Variants in CACNA2D3 observed in about 807,000 individuals in gnomAD.
CACNA2D3 encodes the protein calcium voltage-gated channel auxiliary subunit alpha2delta 3, also known as voltage-dependent calcium channel subunit alpha-2/delta-3.
Under a neutral mutation model 160.6 loss-of-function variants are expected in CACNA2D3, and 60 were observed. The observed-to-expected ratio is 0.37, with a 90% CI of 0.30 to 0.46. The LOEUF (loss-of-function observed/expected upper bound fraction) is 0.46. Among genes scored for constraint, CACNA2D3 ranks in the 20% least tolerant of loss-of-function variants. The pLI, the probability that CACNA2D3 is intolerant of heterozygous loss-of-function variation, is 1.00. For synonymous variants in CACNA2D3, 558 were observed against 492.9 expected, an observed-to-expected ratio of 1.13 and a Z score of -1.75; for missense variants, 1,205 against 1,365.0, an observed-to-expected ratio of 0.88 and a Z score of 1.85.
In CACNA2D3 at chr3:54,283,462, T is replaced by G. The variant is rs77855152; in HGVS notation, c.205-36980T>G. ...GAGTATTAAACATGAGAACAAGATA[T>G]TTAATGGGCAAATGTTTTGAGCTTA... On this transcript the variant is annotated intron_variant, in intron 2 of 37. Transcript: ENST00000474759. 3.9e-3 allele frequency among the ~76,000 whole-genome samples: 587 copies of G among 152,334 alleles called. 15 individuals are homozygous for G. The East Asian group carries it at 0.063, about 16-fold the overall frequency.
intron 4 of CACNA2D3, among the ~76,000 whole-genome samples, chr3:54,389,566 A>T (rs938121399): frequency 6.6e-6 from 1 of 152,188 alleles, no homozygotes; most frequent in Non-Finnish European, 1.5e-5. Context: ...ATCGAAGTTA[A>T]TGTCACCAAT....
chr3:54,732,516 A>G (rs1701411376), intron 11 of CACNA2D3, among the ~76,000 whole-genome samples: 1 of 152,186 alleles, frequency 6.6e-6, no homozygotes, highest in Non-Finnish European at 1.5e-5. Context: ...GATTTTGGAG[A>G]CATTTAAATA....
chr3:54,420,871 G>C (rs1293241516), intron 4 of CACNA2D3, among the ~76,000 whole-genome samples: 1 of 152,196 alleles, frequency 6.6e-6, no homozygotes, highest in African/African-American at 2.4e-5. Flanking sequence ...AGCTTTTGTT[G>C]ATGAATATTT....
chr3:54,628,250 A>C (rs977433986), intron 10 of CACNA2D3, among the ~76,000 whole-genome samples: 5 of 152,194 alleles, frequency 3.3e-5, no homozygotes, highest in Non-Finnish European at 7.3e-5. Flanking sequence ...AAAGAAAAAA[A>C]TTGTGGGCCA....
chr3:54,400,582 C>G (rs1232253248), intron 4 of CACNA2D3, among the ~76,000 whole-genome samples: 1 of 152,206 alleles, frequency 6.6e-6, no homozygotes, highest in Non-Finnish European at 1.5e-5. Flanking sequence ...ACCACCACCA[C>G]TGCCCCAAAC....
At chr3:54,256,979 C>T (rs1284322317) in intron 2 of CACNA2D3, among the ~76,000 whole-genome samples, 1 of 152,188 alleles carries the variant, frequency 6.6e-6, no homozygotes, top group African/African-American at 2.4e-5. Flanking sequence ...CTTCCTTCAT[C>T]CACTTGGACT....
chr3:54,452,509 G>A (rs1700324803), intron 4 of CACNA2D3, among the ~76,000 whole-genome samples: 1 of 152,176 alleles, frequency 6.6e-6, no homozygotes, highest in African/African-American at 2.4e-5. Flanking sequence ...CACTGGAATT[G>A]TCTTTAATGT....
chr3:54,791,781 CTT>C (rs982482307), intron 13 of CACNA2D3, among the ~76,000 whole-genome samples: 8 of 152,138 alleles, frequency 5.3e-5, no homozygotes, highest in African/African-American at 1.7e-4. Context: ...TTCCAGAAGA[CTT>C]TTCAAAAACC....
intron 4 of CACNA2D3, among the ~76,000 whole-genome samples, chr3:54,463,202 C>G (rs1389099752): frequency 6.6e-6 from 1 of 151,992 alleles, no homozygotes; most frequent in Admixed American, 6.6e-5. Context: ...TCTGGCTGCC[C>G]TTAACATTTT....
intron 13 of CACNA2D3, among the ~76,000 whole-genome samples, chr3:54,792,720 G>T (rs1205456377): frequency 6.6e-6 from 1 of 152,064 alleles, no homozygotes; most frequent in Admixed American, 6.6e-5. Flanking sequence ...AAGCCCTGGT[G>T]CCCACACTCA....
intron 2 of CACNA2D3, among the ~76,000 whole-genome samples, chr3:54,189,841 G>T (rs758126715): frequency 2.6e-5 from 4 of 152,156 alleles, no homozygotes; most frequent in South Asian, 2.1e-4. Flanking sequence ...TACAAAAGGA[G>T]TTGTTTTCTT....
chr3:54,837,142 T>G lies in CACNA2D3; in HGVS notation c.1399-17T>G, dbSNP rs975166063. 4.3e-6 allele frequency: 7 copies of G among 1,613,294 alleles called. No homozygotes were observed. Among genetic ancestry groups the G allele is most frequent in the Admixed American group, 1.7e-5 (1 of 59,994 alleles). Reference sequence around the variant, plus strand: ...TCCAGACCGTTCCCCGGTAACTGGCTTTTCTCTTCCATCCAGCTGACTGAT... The same window carrying G: ...TCCAGACCGTTCCCCGGTAACTGGCGTTTCTCTTCCATCCAGCTGACTGAT... On this transcript the variant is annotated splice_polypyrimidine_tract_variant and intron_variant, in intron 14 of 37. Coordinates refer to ENST00000474759, the MANE Select transcript of CACNA2D3 (RefSeq NM_018398.3).
chr3:54,352,460 G>A (rs1325840655), intron 3 of CACNA2D3, among the ~76,000 whole-genome samples: 5 of 152,302 alleles, frequency 3.3e-5, no homozygotes, highest in Admixed American at 3.3e-4. Context: ...TTTGTTCTGT[G>A]CCGTTCACAG....
chr3:54,171,817 G>C (rs1700577656), intron 2 of CACNA2D3, among the ~76,000 whole-genome samples: 1 of 152,162 alleles, frequency 6.6e-6, no homozygotes, highest in Non-Finnish European at 1.5e-5. Context: ...CTTGGTCCCT[G>C]TCTCTTCCCA....
intron 13 of CACNA2D3, among the ~76,000 whole-genome samples, chr3:54,788,429 C>T (rs1484184269): frequency 6.6e-6 from 1 of 152,166 alleles, no homozygotes; most frequent in Non-Finnish European, 1.5e-5. Flanking sequence ...CCCCAAGTCT[C>T]TAGATGTCTT....
chr3:54,453,638 G>C (rs974380126), intron 4 of CACNA2D3, among the ~76,000 whole-genome samples: 7 of 152,158 alleles, frequency 4.6e-5, no homozygotes, highest in Non-Finnish European at 5.9e-5. Context: ...CCAGTCCAAG[G>C]ATTCAAACAA....
chr3:54,836,149 A>G (rs1559599796), intron 14 of CACNA2D3, among the ~76,000 whole-genome samples: 1 of 151,492 alleles, frequency 6.6e-6, no homozygotes, highest in African/African-American at 2.4e-5. Flanking sequence ...GTGTGTCTCC[A>G]TGTGTCTGTA....
chr3:54,817,908 A>G (rs952129671), intron 14 of CACNA2D3, among the ~76,000 whole-genome samples: 6 of 152,252 alleles, frequency 3.9e-5, no homozygotes, highest in African/African-American at 1.4e-4. Context: ...GGAATACTTC[A>G]TTAAAAGTTA....
At chr3:54,924,730 G>A (rs2106939888) in intron 27 of CACNA2D3, 1 of 1,614,158 alleles carries the variant, frequency 6.2e-7, no homozygotes, top group Non-Finnish European at 8.5e-7. Context: ...GATTCCAGGA[G>A]CGCTCGATCA....
Sources: gnomAD v4.1 joint callset for allele counts (sites outside exome capture counted in the v4.1 genomes callset) on GRCh38, gnomAD v4.1.1 for gene constraint, MANE v1.5 for transcripts, NCBI Gene and HGNC (gene_info 2026-07-23, HGNC 2026-07-21) for gene names.